GANC: variants seen among roughly 807,000 people sequenced by gnomAD.
The protein encoded by GANC is glucosidase alpha, neutral C, also known as neutral alpha-glucosidase C.
GANC carries 117 observed loss-of-function variants against 124.2 expected under a neutral mutation model. The ratio of observed to expected loss-of-function variants is 0.94; its 90% CI spans 0.81 to 1.10. The LOEUF (loss-of-function observed/expected upper bound fraction) is 1.10, where lower values mean the gene tolerates loss of function less well. Among genes scored for constraint, GANC ranks in the 50% least tolerant of loss-of-function variants. GANC has a pLI of 0.00. For synonymous variants in GANC, 377 were observed against 376.8 expected (o/e 1.00, Z -0.01); for missense variants, 1,140 against 1,095.0 (o/e 1.04, Z -0.58).
At chr15:42,293,671 T>C (rs2051865286) in intron 5 of GANC, among the ~76,000 whole-genome samples, 1 of 151,634 alleles carries the variant, frequency 6.6e-6, no homozygotes, top group Admixed American at 6.5e-5. Flanking sequence ...TAGTGCCTTA[T>C]GAATAGTCAA....
chr15:42,281,480 T>G (rs1042961773), intron 3 of GANC, among the ~76,000 whole-genome samples: 49 of 152,082 alleles, frequency 3.2e-4, no homozygotes, highest in Non-Finnish European at 4.4e-5. Context: ...GGCCAGGAGT[T>G]TGAGACCAGC....
chr15:42,335,906 A>C (rs1256489929), intron 15 of GANC, among the ~76,000 whole-genome samples: 2 of 152,198 alleles, frequency 1.3e-5, no homozygotes. Context: ...AATACAGCTA[A>C]CCAGCGAGGT....
chr15:42,326,182 A>T, intron 11 of GANC, 116 bp from the exon 12 acceptor site: 1 of 699,928 alleles, frequency 1.4e-6, no homozygotes, highest in Non-Finnish European at 2.5e-6. Flanking sequence ...GAAATATTTC[A>T]ATACTAGTTG....
rs1219772498 is a variant in GANC, at chr15:42,305,873, C to T, written c.559-673C>T. Among the ~76,000 whole-genome samples the T allele has an allele frequency of 2.5e-4, 37 of 149,956 alleles. No homozygotes were observed. The Admixed American group carries it at 2.5e-3, about 10-fold the overall frequency. On this transcript the variant is annotated intron_variant, in intron 6 of 23. Coordinates refer to ENST00000318010, the MANE Select transcript of GANC (RefSeq NM_198141.3). Reference sequence around the variant, plus strand: ...AAACCAAACACCACATGTTCTCACTCATAAGTGGGAGTTGAACAATGAGAA... The same window carrying T: ...AAACCAAACACCACATGTTCTCACTTATAAGTGGGAGTTGAACAATGAGAA...
At chr15:42,330,259 C>G (rs754484562) in intron 14 of GANC, among the ~76,000 whole-genome samples, 1 of 152,150 alleles carries the variant, frequency 6.6e-6, no homozygotes, top group Non-Finnish European at 1.5e-5. Flanking sequence ...TGAAAACTGT[C>G]TGTCTCAGAG....
In GANC at chr15:42,273,221, T is replaced by G; in HGVS notation, c.-1261T>G. 1 of 1,612,786 alleles carries G rather than the reference T, an allele frequency of 6.2e-7. No homozygotes were observed. Among genetic ancestry groups the G allele is most frequent in the Non-Finnish European group, 8.5e-7 (1 of 1,179,070 alleles). On this transcript the variant is annotated 5_prime_UTR_variant, in exon 1 of 24. Coordinates refer to ENST00000318010, the MANE Select transcript of GANC (RefSeq NM_198141.3). ...CCGCCGTAGCCCCACCCCTTGCTCC[T>G]CTAGGTTCAGACGTTAGTGAAGTGA...
intron 22 of GANC, among the ~76,000 whole-genome samples, chr15:42,350,022 CTTTTTTTTTTTT>C (rs753077889): frequency 1.3e-5 from 1 of 75,036 alleles, no homozygotes; most frequent in Non-Finnish European, 2.5e-5. Flanking sequence ...CTTTCCCCCA[CTTTTTTTTTTTT>C]TTTTTTTTTT....
At chr15:42,290,747 G>A (rs1317134261) in intron 4 of GANC, among the ~76,000 whole-genome samples, 1 of 152,192 alleles carries the variant, frequency 6.6e-6, no homozygotes. Context: ...GTTTAAGGCT[G>A]CAGTGAACTA....
chr15:42,329,180 C>G, intron 13 of GANC, 126 bp from the exon 14 acceptor site: 1 of 927,610 alleles, frequency 1.1e-6, no homozygotes, highest in Non-Finnish European at 1.6e-6. Flanking sequence ...AACTTATACT[C>G]TAGCAGTGGA....
chr15:42,287,868 A>G (rs1285367088), intron 4 of GANC, 50 bp downstream of exon 4: 3 of 1,563,356 alleles, frequency 1.9e-6, no homozygotes, highest in Non-Finnish European at 2.6e-6. Context: ...ATATTCTTTT[A>G]TCATATCTTG....
intron 20 of GANC, among the ~76,000 whole-genome samples, chr15:42,346,500 A>G (rs1294718797): frequency 6.6e-6 from 1 of 152,144 alleles, no homozygotes; most frequent in African/African-American, 2.4e-5. Context: ...TAAATTGGTG[A>G]GTTGTATGGT....
At chr15:42,293,553 AT>A (rs2051863943) in intron 5 of GANC, among the ~76,000 whole-genome samples, 1 of 147,362 alleles carries the variant, frequency 6.8e-6, no homozygotes, top group Non-Finnish European at 1.5e-5. Context: ...GATACTAAAA[AT>A]ATCTCATTTT....
intron 10 of GANC, 94 bp from the exon 11 acceptor site, chr15:42,321,691 T>G: frequency 9.4e-7 from 1 of 1,065,602 alleles, no homozygotes; most frequent in East Asian, 2.4e-5. Context: ...ATAAGCTCAG[T>G]GCTGAATACT....
intron 6 of GANC, among the ~76,000 whole-genome samples, chr15:42,304,051 C>T (rs1156744342): frequency 6.6e-6 from 1 of 152,200 alleles, no homozygotes; most frequent in African/African-American, 2.4e-5. Context: ...ATAGAATGTA[C>T]ATTCTTCTCA....
rs778914756 is a variant in GANC at position 42,308,180 on chromosome 15, T to G, written c.626-42T>G. ...AATTAACTGAATCTCCTTAAGTGAG[T>G]GTTCTTTTCAGAAACAAAACTCAGT... On this transcript the variant is annotated intron_variant, in intron 7 of 23. Coordinates refer to ENST00000318010, the MANE Select transcript of GANC (RefSeq NM_198141.3). 8.7e-6 allele frequency: 11 copies of G among 1,263,236 alleles called. No homozygotes were observed. The South Asian group carries it at 1.4e-4, about 16-fold the overall frequency. 78.3% of individuals were successfully genotyped at this position (1,263,236 alleles called of 1,614,324 possible). A position where few individuals can be genotyped will look rare whatever the true frequency, so the allele number is the denominator to read the frequency against.
chr15:42,283,398 A>T (rs548666651), intron 3 of GANC, among the ~76,000 whole-genome samples: 1 of 152,178 alleles, frequency 6.6e-6, no homozygotes, highest in South Asian at 2.1e-4. Flanking sequence ...TACTACTATC[A>T]GTTTTCTATC....
Position 42,330,598 on chromosome 15 carries a change from T to C in GANC, c.1667T>C (p.Leu556Pro). Residue 556 changes from leucine to proline, a missense_variant, in exon 15 of 24, where the codon CTG (leucine) becomes CCG (proline). By Grantham distance (98) the Leu-to-Pro change is moderately conservative (BLOSUM62 -3). Transcript: ENST00000318010. ...TAGCAAATGGCTACTGCAGAAGGACTGATAAAACGATCTAAAGGGAAGGAG... is the reference window on the plus strand; with the variant it reads ...TAGCAAATGGCTACTGCAGAAGGACCGATAAAACGATCTAAAGGGAAGGAG... The part of the protein sequence containing the change: ...FYHQMATAEG[L>P]IKRSKGKERP... 1 of 1,612,002 alleles carries C rather than the reference T, an allele frequency of 6.2e-7. No individual in the cohort carries two copies.
intron 15 of GANC, among the ~76,000 whole-genome samples, chr15:42,336,159 A>C (rs1044247130): frequency 2.8e-4 from 35 of 123,640 alleles, no homozygotes; most frequent in African/African-American, 1.2e-3. Flanking sequence ...AGAAAAAAAA[A>C]AGAGCCTGAA....
At position 42,273,354 on chromosome 15, in the gene GANC, CAGA is replaced by C. The variant is rs550307753; in HGVS notation, c.-1123_-1121del. On this transcript the variant is annotated 5_prime_UTR_variant, in exon 1 of 24. It adds an upstream start codon to the 5' untranslated region. Coordinates refer to ENST00000318010, the MANE Select transcript of GANC (RefSeq NM_198141.3). ...GTGGTGACGGGTGAGCTCCCAGAAG[CAGA>C]AGAATGACAGGCAACACCTGAAGCC... 4.9e-4 allele frequency: 788 copies of C among 1,614,170 alleles called. 1 individual carries two copies. The highest frequency in any genetic ancestry group is 1.1e-3 in the Admixed American group (65 of 60,030).
Sources: allele counts gnomAD v4.1 joint callset (sites outside exome capture counted in the v4.1 genomes callset), GRCh38; gene constraint gnomAD v4.1.1; transcripts MANE v1.5; gene names NCBI Gene and HGNC (gene_info 2026-07-23, HGNC 2026-07-21).